The following PDLIM1 variants were observed in gnomAD, a reference collection of about 807,000 sequenced individuals.
PDLIM1 encodes the protein PDZ and LIM domain 1, also known as PDZ and LIM domain protein 1.
PDLIM1 carries 25 observed loss-of-function variants against 35.2 expected under a neutral mutation model. The ratio of observed to expected loss-of-function variants is 0.71; its 90% CI spans 0.52 to 0.99. The LOEUF is 0.99. Among genes scored for constraint, PDLIM1 ranks in the 50% least tolerant of loss-of-function variants. The pLI is 0.00. For missense variants in PDLIM1, 363 were observed against 415.3 expected, an observed-to-expected ratio of 0.87 and a Z score of 1.09; for synonymous variants, 152 against 154.0, an observed-to-expected ratio of 0.99 and a Z score of 0.10.
At chr10:95,280,685 T>A (rs1316059210) in intron 1 of PDLIM1, among the ~76,000 whole-genome samples, 13 of 151,474 alleles carry the variant, frequency 8.6e-5, no homozygotes, top group African/African-American at 2.9e-4. Context: ...GGTTTTTGCT[T>A]TGTTTTATTT....
rs2035648079 is a variant in PDLIM1, at chr10:95,290,899, A to G, written c.17T>C (p.Ile6Thr). Reference protein sequence around the residue: MTTQQIDLQGPGPWGF... With the variant: MTTQQTDLQGPGPWGF... Reference sequence around the variant, plus strand: ...CCACGGCCCCGGGCCCTGGAGGTCTATCTGCTGGGTGGTCATGGCGCGGCT... The same window carrying G: ...CCACGGCCCCGGGCCCTGGAGGTCTGTCTGCTGGGTGGTCATGGCGCGGCT... Residue 6 changes from isoleucine (I) to threonine (T), a missense_variant, in exon 1 of 7, where the codon ATA (isoleucine) becomes ACA (threonine). Transcript: ENST00000329399. The surrounding 1 kb of genome is among the most constrained non-coding windows in gnomAD (Gnocchi z 4.7). 1 of 1,560,010 alleles carries G rather than the reference A, an allele frequency of 6.4e-7. No homozygotes were observed.
intron 5 of PDLIM1, among the ~76,000 whole-genome samples, chr10:95,241,815 C>G (rs2035180495): frequency 6.6e-6 from 1 of 150,448 alleles, no homozygotes; most frequent in African/African-American, 2.4e-5. Flanking sequence ...AATGAGAGGA[C>G]TCGGGGCCTG....
At chr10:95,274,468 A>G (rs954776182) in intron 1 of PDLIM1, among the ~76,000 whole-genome samples, 2 of 151,104 alleles carry the variant, frequency 1.3e-5, no homozygotes, top group African/African-American at 4.9e-5. Flanking sequence ...AATTTTTTGT[A>G]TTTTTAGAAG....
chr10:95,286,975 C>T (rs1052450256), intron 1 of PDLIM1, among the ~76,000 whole-genome samples: 1 of 152,142 alleles, frequency 6.6e-6, no homozygotes, highest in Non-Finnish European at 1.5e-5. Flanking sequence ...ATCTACCTGG[C>T]TGCAATACCC....
chr10:95,251,772 A>G (rs1283599643), intron 4 of PDLIM1, among the ~76,000 whole-genome samples: 1 of 152,222 alleles, frequency 6.6e-6, no homozygotes, highest in African/African-American at 2.4e-5. Context: ...AGTAAAACCA[A>G]AAACCCTGGA....
chr10:95,280,058 T>TTTTCTTTTTTTTC (rs1286699514), intron 1 of PDLIM1, among the ~76,000 whole-genome samples: 8 of 152,212 alleles, frequency 5.3e-5, no homozygotes, highest in Non-Finnish European at 1.0e-4. Context: ...TATTAGTCCT[T>TTTTCTTTTTTTTC]TTTAGTAAAT....
intron 4 of PDLIM1, among the ~76,000 whole-genome samples, chr10:95,251,560 A>G (rs1040454185): frequency 6.6e-6 from 1 of 152,196 alleles, no homozygotes; most frequent in African/African-American, 2.4e-5. Context: ...TTGCTGATAC[A>G]ACCTTAGTAG....
chr10:95,239,017 G>GACACACAGACCAATGGAAC (rs45613733), intron 5 of PDLIM1, among the ~76,000 whole-genome samples: 3 of 151,884 alleles, frequency 2.0e-5, no homozygotes, highest in Admixed American at 2.0e-4. Flanking sequence ...TAGAAGAACA[G>GACACACAGACCAATGGAAC]AGAACAGAGA....
In PDLIM1 at chr10:95,283,310, G is replaced by A. The variant is rs113586972; in HGVS notation, c.96+7510C>T. Among the ~76,000 whole-genome samples the A allele has an allele frequency of 4.8e-4, 73 of 152,226 alleles. 1 individual carries two copies. Among genetic ancestry groups the A allele is most frequent in the African/African-American group, 1.5e-3 (64 of 41,538 alleles). On this transcript the variant is annotated intron_variant, in intron 1 of 6. Coordinates refer to ENST00000329399, the MANE Select transcript of PDLIM1 (RefSeq NM_020992.4). ...CTCACCACAACCTTTGAAGACAAGC[G>A]CTATTATTCCCACATTGCAAATGAG...
At chr10:95,246,664 T>G (rs950200928) in intron 5 of PDLIM1, among the ~76,000 whole-genome samples, 1 of 152,068 alleles carries the variant, frequency 6.6e-6, no homozygotes, top group Non-Finnish European at 1.5e-5. Flanking sequence ...CCTGGGAAGG[T>G]TGAGATTTGC....
At chr10:95,242,223 C>T (rs997837894) in intron 5 of PDLIM1, among the ~76,000 whole-genome samples, 4 of 152,148 alleles carry the variant, frequency 2.6e-5, no homozygotes, top group Non-Finnish European at 5.9e-5. Context: ...CTGTTCTCCC[C>T]GAGCCTAGGG....
rs45491198 is a variant in PDLIM1 at position 95,260,179 on chromosome 10, G to T, written c.533+3685C>A. ...CATTGCATTGTCTCAACAACCTGGT[G>T]GTAAAGAAGTTAGTATTATTTCCAC... On this transcript the variant is annotated intron_variant, in intron 4 of 6. Coordinates refer to ENST00000329399, the MANE Select transcript of PDLIM1 (RefSeq NM_020992.4). Among the ~76,000 whole-genome samples the T allele has an allele frequency of 1.9e-3, 295 of 152,284 alleles. 1 individual carries two copies. Among genetic ancestry groups the T allele is most frequent in the Middle Eastern group, 3.4e-3 (1 of 294 alleles).
chr10:95,246,083 T>G (rs1243558940), intron 5 of PDLIM1, among the ~76,000 whole-genome samples: 1 of 151,974 alleles, frequency 6.6e-6, no homozygotes, highest in Non-Finnish European at 1.5e-5. Context: ...ATAGAGGGCA[T>G]AGAAAACAAG....
chr10:95,281,280 T>TAA lies in PDLIM1; in HGVS notation c.97-9498_97-9497dup, dbSNP rs113817432. ...CCTCTATCTCTTACCAAAACAGACT[T>TAA]AAAAAAAAAAAAATAGGCCAGGCAG... On this transcript the variant is annotated intron_variant, in intron 1 of 6. Transcript: ENST00000329399. 9.3e-3 allele frequency among the ~76,000 whole-genome samples: 1,346 copies of TAA among 144,838 alleles called. 12 individuals are homozygous for TAA. Among genetic ancestry groups the TAA allele is most frequent in the Middle Eastern group, 0.021 (6 of 286 alleles).
intron 1 of PDLIM1, among the ~76,000 whole-genome samples, chr10:95,284,505 C>T (rs1317675026): frequency 6.6e-6 from 1 of 152,072 alleles, no homozygotes; most frequent in African/African-American, 2.4e-5. Context: ...AGGTGCCTGC[C>T]ACTACGCCTG....
chr10:95,268,655 G>C (rs2035435196), intron 3 of PDLIM1, 123 bp downstream of exon 3: 5 of 711,278 alleles, frequency 7.0e-6, no homozygotes, highest in Admixed American at 4.1e-5. Context: ...GATACCAGCA[G>C]AGACAGTGAA....
intron 2 of PDLIM1, among the ~76,000 whole-genome samples, chr10:95,269,610 T>G (rs2035445538): frequency 6.6e-6 from 1 of 151,868 alleles, no homozygotes; most frequent in Admixed American, 6.6e-5. Flanking sequence ...CCTCTTTTGC[T>G]CTTATAAACT....
In PDLIM1 at chr10:95,290,832, G is replaced by A. The variant is rs764286580; in HGVS notation, c.84C>T (p.Leu28=). The change falls in exon 1 of 7, where the codon CTC becomes CTT. Residue 28 remains leucine, a synonymous_variant. Transcript: ENST00000329399. This position sits in a 1 kb window ranked among gnomAD's most constrained non-coding sequence, Gnocchi z 4.7. The part of the protein sequence containing the change: ...LVGGKDFEQP[L]AISRVTPGSK... ...CAGCTGCTCTTACCCGGGAAATGGC[G>A]AGAGGCTGCTCGAAGTCCTTGCCGC... 6.4e-7 allele frequency: 1 copy of A among 1,562,588 alleles called. No individual in the cohort carries two copies. The highest frequency in any genetic ancestry group is 1.2e-5 in the South Asian group (1 of 86,230).
intron 2 of PDLIM1, among the ~76,000 whole-genome samples, chr10:95,271,113 T>C (rs1424163762): frequency 6.6e-6 from 1 of 151,834 alleles, no homozygotes; most frequent in Admixed American, 6.6e-5. Flanking sequence ...AGTATCTTAC[T>C]GAAAGAAGCC....
Sources: gnomAD v4.1 joint callset for allele counts (sites outside exome capture counted in the v4.1 genomes callset) on GRCh38, gnomAD v4.1.1 for gene constraint, Gnocchi (gnomAD v3.1) non-coding constraint, MANE v1.5 for transcripts, NCBI Gene and HGNC (gene_info 2026-07-23, HGNC 2026-07-21) for gene names.